Variants in DOCK4 observed in about 807,000 individuals in gnomAD.
DOCK4 encodes dedicator of cytokinesis 4.
DOCK4 carries 97 observed loss-of-function variants against 268.1 expected under a neutral mutation model. That is an observed-to-expected ratio of 0.36 (90% CI 0.31 to 0.43). The LOEUF (loss-of-function observed/expected upper bound fraction) is 0.43, where lower values mean the gene tolerates loss of function less well. DOCK4 is among the 20% of genes least tolerant of loss of function. DOCK4 has a pLI of 1.00. For synonymous variants in DOCK4, 954 were observed against 887.2 expected (o/e 1.08, Z -1.34); for missense variants, 2,145 against 2,455.7 (o/e 0.87, Z 2.67).
intron 25 of DOCK4, among the ~76,000 whole-genome samples, chr7:111,835,744 C>T (rs186690591): frequency 9.8e-4 from 149 of 152,232 alleles, no homozygotes; most frequent in African/African-American, 3.4e-3. Context: ...TAAGTAGAGA[C>T]TAAAAGCCCT....
intron 1 of DOCK4, among the ~76,000 whole-genome samples, chr7:112,181,638 T>TAAAAA (rs1819047377): frequency 7.6e-5 from 1 of 13,218 alleles, no homozygotes; most frequent in Admixed American, 1.0e-3. Flanking sequence ...AGACACTGTC[T>TAAAAA]CAAAAAAAAA....
intron 20 of DOCK4, among the ~76,000 whole-genome samples, chr7:111,870,838 T>C (rs1039679569): frequency 1.3e-5 from 2 of 152,232 alleles, no homozygotes; most frequent in African/African-American, 4.8e-5. Context: ...TGAGAAATTA[T>C]ACTCTTGTTT....
intron 1 of DOCK4, among the ~76,000 whole-genome samples, chr7:112,202,449 A>C (rs1451845243): frequency 6.6e-6 from 1 of 152,224 alleles, no homozygotes; most frequent in Non-Finnish European, 1.5e-5. Context: ...ATACTTCAAA[A>C]GTGCTAGAAT....
At position 111,863,460 on chromosome 7, in the gene DOCK4, C is replaced by G; in HGVS notation, c.2385G>C (p.Pro795=). Residue 795 remains proline, a synonymous_variant, in exon 23 of 53, where the codon CCG becomes CCC. Transcript: ENST00000428084. ...GGGAATCATCCACATGCAGGATGGT[C>G]GGCAGACTGCCCAGGGTGTCCTGGA... The part of the protein sequence containing the change: ...NLVQDTLGSL[P]TILHVDDSLQ... The G allele has an allele frequency of 1.2e-6, 2 of 1,613,954 alleles. No individual in the cohort carries two copies. The highest frequency in any genetic ancestry group is 1.7e-6 in the Non-Finnish European group (2 of 1,179,884).
rs545981523 is a variant in DOCK4, at chr7:112,088,570, G to GT, written c.38-84440dup. Among the ~76,000 whole-genome samples the GT allele has an allele frequency of 2.0e-4, 31 of 151,976 alleles. No homozygotes were observed. In the East Asian group the frequency reaches 5.8e-3, roughly 28 times the overall value. On this transcript the variant is annotated intron_variant, in intron 1 of 52. Coordinates refer to ENST00000428084, the MANE Select transcript of DOCK4 (RefSeq NM_001363540.2). The stretch of plus-strand genomic sequence containing the variant: ...ATTAAAGCAGCCAGTATGACCTCTT[G>GT]TTTTTTTTCTATTAGTACTATGGGA...
At chr7:112,159,310 C>T (rs2523014) in intron 1 of DOCK4, among the ~76,000 whole-genome samples, 107,788 of 151,668 alleles carry the variant, frequency 0.71, 38,682 homozygotes, top group South Asian at 0.86. Context: ...TGTTCAGGCC[C>T]CTATCACGTA....
intron 30 of DOCK4, among the ~76,000 whole-genome samples, chr7:111,792,765 CAT>C (rs1300498830): frequency 3.9e-5 from 6 of 152,114 alleles, no homozygotes; most frequent in East Asian, 1.9e-4. Context: ...GCTGGGAAAA[CAT>C]GTGGATGTTT....
intron 1 of DOCK4, among the ~76,000 whole-genome samples, chr7:112,139,545 C>T (rs1449479139): frequency 6.6e-6 from 1 of 152,132 alleles, no homozygotes; most frequent in African/African-American, 2.4e-5. Context: ...GATGGGATTT[C>T]ATTTTAGCTA....
chr7:111,734,682 T>TC (rs1795346152), intron 51 of DOCK4, among the ~76,000 whole-genome samples: 1 of 152,194 alleles, frequency 6.6e-6, no homozygotes, highest in Non-Finnish European at 1.5e-5. Flanking sequence ...TTGGCATCAG[T>TC]CCTGAATAAG....
At chr7:112,072,709 G>A (rs1807706260) in intron 1 of DOCK4, among the ~76,000 whole-genome samples, 1 of 152,188 alleles carries the variant, frequency 6.6e-6, no homozygotes, top group Admixed American at 6.5e-5. Context: ...GCCAGCACCA[G>A]GAAGTGGCCA....
chr7:111,790,591 G>A lies in DOCK4; in HGVS notation c.3181C>T (p.His1061Tyr). The A allele has an allele frequency of 6.2e-7, 1 of 1,612,962 alleles. No homozygotes were observed. ...GGGCCAATCAGGGCAGGGATAAAAT[G>A]AAGCTTGTGCTCTCCTAAAGTGAGA... is the stretch of plus-strand genomic sequence containing the variant. ...MWQNLGEHKL[H>Y]FIPALIGPFL... Residue 1061 changes from histidine to tyrosine, a missense_variant, in exon 31 of 53, where the codon CAT becomes TAT. Physicochemically the swap from His to Tyr is moderately conservative, Grantham distance 83 (BLOSUM62 2). Around this residue, in one of 2 missense-constraint regions of DOCK4, gnomAD observed 1,598 missense variants for 1,986.7 expected, o/e 0.80. Transcript: ENST00000428084.
rs74962748 is a variant in DOCK4 at position 111,736,333 on chromosome 7, A to C, written c.5305+584T>G. Among the ~76,000 whole-genome samples, 975 of 152,268 alleles carry C rather than the reference A, an allele frequency of 6.4e-3. 27 individuals carry two copies. The highest frequency in any genetic ancestry group is 0.053 in the East Asian group (274 of 5,168). Reference sequence around the variant, plus strand: ...CCCCGTAGCTGAGGAAATCGTGTTTAATCTGCTCTTCATCTTCTGCCGTGT... The same window carrying C: ...CCCCGTAGCTGAGGAAATCGTGTTTCATCTGCTCTTCATCTTCTGCCGTGT... On this transcript the variant is annotated intron_variant, in intron 50 of 52. Coordinates refer to ENST00000428084, the MANE Select transcript of DOCK4 (RefSeq NM_001363540.2).
chr7:112,007,223 T>A (rs780577813), intron 1 of DOCK4, among the ~76,000 whole-genome samples: 10 of 152,118 alleles, frequency 6.6e-5, no homozygotes, highest in Non-Finnish European at 1.5e-4. Context: ...ACTTCGTCTA[T>A]CTGTGTCTTT....
At chr7:112,116,371 T>C (rs1445466332) in intron 1 of DOCK4, among the ~76,000 whole-genome samples, 1 of 152,254 alleles carries the variant, frequency 6.6e-6, no homozygotes, top group African/African-American at 2.4e-5. Flanking sequence ...TCAATAATAT[T>C]CTATTGTATA....
In DOCK4 at chr7:111,782,897, A is replaced by G; in HGVS notation, c.3552T>C (p.Asp1184=). The change falls in exon 35 of 53, where the codon GAT becomes GAC. Residue 1184 remains aspartate, a synonymous_variant. Coordinates refer to ENST00000428084, the MANE Select transcript of DOCK4 (RefSeq NM_001363540.2). The part of the protein sequence containing the change: ...YRDCMKMGEV[D]GKKIGCTVSL... Reference sequence around the variant, plus strand: ...TAACTGTGCAGCCAATCTTTTTGCCATCTACCTCTCCCATTTTCATGCAGT... The same window carrying G: ...TAACTGTGCAGCCAATCTTTTTGCCGTCTACCTCTCCCATTTTCATGCAGT... 1.9e-6 allele frequency: 3 copies of G among 1,613,620 alleles called. No individual in the cohort carries two copies. The East Asian group carries it at 6.7e-5, about 36-fold the overall frequency.
At chr7:111,990,045 T>C (rs1008701730) in intron 5 of DOCK4, among the ~76,000 whole-genome samples, 2 of 152,230 alleles carry the variant, frequency 1.3e-5, no homozygotes, top group East Asian at 1.9e-4. Context: ...CTTTGACAAT[T>C]CATTAACATT....
intron 1 of DOCK4, among the ~76,000 whole-genome samples, chr7:112,176,065 T>G (rs908802564): frequency 3.9e-5 from 6 of 152,218 alleles, no homozygotes; most frequent in African/African-American, 1.4e-4. Context: ...TATCCTGTCA[T>G]CAGAGTCATT....
intron 1 of DOCK4, among the ~76,000 whole-genome samples, chr7:112,200,811 C>T (rs1371547048): frequency 5.4e-5 from 8 of 149,104 alleles, no homozygotes; most frequent in African/African-American, 2.0e-4. Context: ...AGAACTGTCA[C>T]TTAGGGGAAT....
At chr7:111,945,344 C>T (rs1795535005) in intron 9 of DOCK4, among the ~76,000 whole-genome samples, 1 of 152,146 alleles carries the variant, frequency 6.6e-6, no homozygotes, top group Non-Finnish European at 1.5e-5. Context: ...TGCCACCACG[C>T]CTGGCTAATT....
Sources: allele counts gnomAD v4.1 joint callset (sites outside exome capture counted in the v4.1 genomes callset), GRCh38; gene constraint gnomAD v4.1.1; regional missense constraint gnomAD v4.1.1; transcripts MANE v1.5; gene names NCBI Gene and HGNC (gene_info 2026-07-23, HGNC 2026-07-21).